MOXD1: variants seen among roughly 807,000 people sequenced by gnomAD.
The protein encoded by MOXD1 is monooxygenase DBH like 1.
Under a neutral mutation model 66.6 loss-of-function variants are expected in MOXD1, and 62 were observed. The ratio of observed to expected loss-of-function variants is 0.93; its 90% CI spans 0.76 to 1.15. The LOEUF (loss-of-function observed/expected upper bound fraction) is 1.15. MOXD1 is among the 50% of genes most tolerant of loss of function. MOXD1 has a pLI of 0.00. For synonymous variants in MOXD1, 303 were observed against 281.9 expected (o/e 1.07, Z -0.75); for missense variants, 847 against 754.6 (o/e 1.12, Z -1.44).
At chr6:132,314,937 C>T (rs1398315568) in intron 10 of MOXD1, among the ~76,000 whole-genome samples, 1 of 152,176 alleles carries the variant, frequency 6.6e-6, no homozygotes, top group African/African-American at 2.4e-5. Context: ...AAAGAGTTAA[C>T]ATAATAGGCC....
chr6:132,394,665 T>C (rs1236564738), intron 1 of MOXD1, among the ~76,000 whole-genome samples: 3 of 152,124 alleles, frequency 2.0e-5, no homozygotes, highest in East Asian at 3.8e-4. Context: ...AAGAATTCAT[T>C]GAATTAAATA....
At chr6:132,312,255 T>C (rs1283467506) in intron 10 of MOXD1, among the ~76,000 whole-genome samples, 1 of 151,858 alleles carries the variant, frequency 6.6e-6, no homozygotes, top group African/African-American at 2.4e-5. Flanking sequence ...CTATAGAATG[T>C]TTAAAATAAA....
At chr6:132,360,281 A>G (rs1279625331) in intron 4 of MOXD1, among the ~76,000 whole-genome samples, 1 of 152,208 alleles carries the variant, frequency 6.6e-6, no homozygotes, top group African/African-American at 2.4e-5. Flanking sequence ...TTCCCCAGCA[A>G]TGGGCAAATT....
At chr6:132,381,582 C>A (rs1776514799) in intron 1 of MOXD1, among the ~76,000 whole-genome samples, 2 of 151,960 alleles carry the variant, frequency 1.3e-5, no homozygotes, top group Non-Finnish European at 2.9e-5. Context: ...GCACAGTCAG[C>A]AATAAAACCA....
intron 5 of MOXD1, 119 bp from the exon 6 acceptor site, chr6:132,328,234 A>G (rs1277535116): frequency 1.6e-5 from 19 of 1,188,384 alleles, no homozygotes; most frequent in Non-Finnish European, 2.3e-5. Context: ...TTCATCTACA[A>G]TTGATGAAAT....
At chr6:132,388,918 T>A (rs1272129585) in intron 1 of MOXD1, among the ~76,000 whole-genome samples, 1 of 151,272 alleles carries the variant, frequency 6.6e-6, no homozygotes, top group African/African-American at 2.4e-5. Context: ...TGGTACCGGT[T>A]GACAAAAGGT....
intron 4 of MOXD1, among the ~76,000 whole-genome samples, chr6:132,356,308 C>T (rs1354254959): frequency 6.6e-6 from 1 of 152,142 alleles, no homozygotes; most frequent in Non-Finnish European, 1.5e-5. Context: ...ATAAGCCTCA[C>T]TAGTAGTCTA....
chr6:132,400,994 G>T (rs1777010772), intron 1 of MOXD1, among the ~76,000 whole-genome samples, 169 bp downstream of exon 1: 2 of 152,228 alleles, frequency 1.3e-5, no homozygotes, highest in African/African-American at 4.8e-5. Context: ...TGGGGCTCCG[G>T]GAGAGCAGGC....
intron 9 of MOXD1, among the ~76,000 whole-genome samples, chr6:132,316,111 T>G (rs997159780): frequency 1.3e-5 from 2 of 152,188 alleles, no homozygotes; most frequent in African/African-American, 4.8e-5. Context: ...GAAATTTTTC[T>G]GATTTAATTG....
intron 1 of MOXD1, among the ~76,000 whole-genome samples, chr6:132,385,206 AG>A (rs1309817527): frequency 6.6e-6 from 1 of 152,130 alleles, no homozygotes; most frequent in Non-Finnish European, 1.5e-5. Context: ...GAGTTTAGTC[AG>A]GTTAAGTTTA....
intron 10 of MOXD1, among the ~76,000 whole-genome samples, chr6:132,300,779 C>CT (rs1774516976): frequency 6.6e-6 from 1 of 152,202 alleles, no homozygotes; most frequent in South Asian, 2.1e-4. Context: ...GACAGAATGA[C>CT]TGAGGCTGGG....
At chr6:132,340,441 C>A (rs201969584) in intron 4 of MOXD1, among the ~76,000 whole-genome samples, 2 of 106,252 alleles carry the variant, frequency 1.9e-5, no homozygotes, top group East Asian at 2.8e-4. Flanking sequence ...GCAACACTTT[C>A]TTTTTTTTTT....
chr6:132,344,495 C>T (rs933290470), intron 4 of MOXD1, among the ~76,000 whole-genome samples: 1 of 152,164 alleles, frequency 6.6e-6, no homozygotes, highest in Non-Finnish European at 1.5e-5. Flanking sequence ...GAAACCTGAC[C>T]TTCAAACTAA....
chr6:132,377,016 C>T (rs1011163018), intron 1 of MOXD1, among the ~76,000 whole-genome samples: 1 of 152,170 alleles, frequency 6.6e-6, no homozygotes, highest in Admixed American at 6.5e-5. Flanking sequence ...CACTCTGGCC[C>T]CAGAGTCTGG....
chr6:132,331,190 G>A (rs888040655), intron 4 of MOXD1, among the ~76,000 whole-genome samples: 1 of 152,068 alleles, frequency 6.6e-6, no homozygotes, highest in Non-Finnish European at 1.5e-5. Flanking sequence ...TGGGTTCCTC[G>A]GTCCTCCAAG....
intron 4 of MOXD1, among the ~76,000 whole-genome samples, chr6:132,330,422 T>G (rs915652328): frequency 1.3e-5 from 2 of 152,238 alleles, no homozygotes; most frequent in African/African-American, 2.4e-5. Flanking sequence ...TAATGCCTGA[T>G]GATCTGAGGT....
intron 4 of MOXD1, among the ~76,000 whole-genome samples, chr6:132,372,182 T>C (rs1416807303): frequency 6.6e-6 from 1 of 152,220 alleles, no homozygotes; most frequent in Non-Finnish European, 1.5e-5. Flanking sequence ...AAAAAATTAT[T>C]ATAACTGTTT....
chr6:132,377,339 CT>C (rs1464548352), intron 1 of MOXD1, among the ~76,000 whole-genome samples: 3 of 152,150 alleles, frequency 2.0e-5, no homozygotes, highest in African/African-American at 7.2e-5. Context: ...TTAACTGTGC[CT>C]TTTCACTGAA....
chr6:132,338,894 A>G (rs529947497), intron 4 of MOXD1, among the ~76,000 whole-genome samples: 14 of 152,334 alleles, frequency 9.2e-5, no homozygotes, highest in Admixed American at 6.5e-5. Context: ...TGCTCAAACA[A>G]TAGTACTAGT....
Sources: gnomAD v4.1 joint callset for allele counts (sites outside exome capture counted in the v4.1 genomes callset) on GRCh38, gnomAD v4.1.1 for gene constraint, MANE v1.5 for transcripts, NCBI Gene and HGNC (gene_info 2026-07-23, HGNC 2026-07-21) for gene names.